The following NEBL variants were observed in gnomAD, a reference collection of about 807,000 sequenced individuals.
NEBL encodes nebulette, also known as LIM and SH3 protein 2.
Under a neutral mutation model 140.2 loss-of-function variants are expected in NEBL, and 122 were observed. That is an observed-to-expected ratio of 0.87 (90% confidence interval 0.75 to 1.01). NEBL has a LOEUF of 1.01. NEBL is among the 50% of genes least tolerant of loss of function. The pLI, the probability that NEBL is intolerant of heterozygous loss-of-function variation, is 0.00. For missense variants in NEBL, 1,365 were observed against 1,231.3 expected (o/e 1.11, Z -1.62); for synonymous variants, 436 against 398.9 (o/e 1.09, Z -1.11).
At chr10:20,841,580 A>G (rs1176228244) in intron 12 of NEBL, 1 of 152,154 alleles carries the variant, frequency 6.6e-6, no homozygotes, top group Non-Finnish European at 1.5e-5. Context: ...AGATAATGAA[A>G]TGTGCATAGA....
intron 2 of NEBL, among the ~76,000 whole-genome samples, chr10:21,120,374 C>CAAAAAAAAAAAAAAAA (rs1157067083): frequency 4.1e-5 from 2 of 48,392 alleles, no homozygotes; most frequent in African/African-American, 1.8e-4. Context: ...GACTGTGTCT[C>CAAAAAAAAAAAAAAAA]AAAAAAAAAA....
At chr10:21,243,848 T>G (rs1842475730) in intron 3 of NEBL, among the ~76,000 whole-genome samples, 1 of 151,086 alleles carries the variant, frequency 6.6e-6, no homozygotes, top group East Asian at 2.0e-4. Context: ...GAAAAGTTTA[T>G]TCCCAGGTCC....
In NEBL at chr10:20,897,109, G is replaced by A. The variant is rs778618994; in HGVS notation, c.81+16C>T. 1.9e-6 allele frequency: 3 copies of A among 1,587,366 alleles called. No homozygotes were observed. Among genetic ancestry groups the A allele is most frequent in the East Asian group, 2.2e-5 (1 of 44,736 alleles). On this transcript the variant is annotated intron_variant, in intron 1 of 27. Transcript: ENST00000377122. ...GAGGAACAAACGCTGGTCTGAGTATGTGTTTTCTCACTCACCTGGTCTTCT... is the reference window on the plus strand; with the variant it reads ...GAGGAACAAACGCTGGTCTGAGTATATGTTTTCTCACTCACCTGGTCTTCT...
chr10:20,941,594 C>G (rs1242797671), intron 4 of NEBL, among the ~76,000 whole-genome samples: 2 of 150,494 alleles, frequency 1.3e-5, no homozygotes, highest in East Asian at 3.9e-4. Flanking sequence ...GGCAATCAGG[C>G]AGGAGAAGGA....
chr10:20,787,220 C>T lies in NEBL; in HGVS notation c.2850G>A (p.Met950Ile), dbSNP rs748439491. 6.2e-7 allele frequency: 1 copy of T among 1,612,300 alleles called. No homozygotes were observed. Reference protein sequence around the residue: ...HQTSVSSMRSMQHSPNLRTYR... With the variant: ...HQTSVSSMRSIQHSPNLRTYR... The stretch of plus-strand genomic sequence containing the variant: ...CACTTACTAGATTTGGTGAATGCTG[C>T]ATTGATCTCATGGATGACACACTGG... Residue 950 changes from methionine (M) to isoleucine (I), a missense_variant, in exon 27 of 28, where the codon ATG (methionine) becomes ATA (isoleucine). Physicochemically the swap from Met to Ile is conservative, Grantham distance 10. Coordinates refer to ENST00000377122, the MANE Select transcript of NEBL (RefSeq NM_006393.3).
At chr10:20,967,834 A>T (rs749808507) in intron 3 of NEBL, among the ~76,000 whole-genome samples, 41 of 152,142 alleles carry the variant, frequency 2.7e-4, no homozygotes, top group Non-Finnish European at 5.9e-4. Context: ...TGTACACATT[A>T]TATATAATCT....
intron 20 of NEBL, 51 bp downstream of exon 20, chr10:20,819,373 T>C (rs755689534): frequency 6.2e-7 from 1 of 1,612,630 alleles, no homozygotes; most frequent in Admixed American, 1.7e-5. Flanking sequence ...TATTTTTAAA[T>C]AAAAATATGT....
At chr10:21,154,179 C>T (rs1453452600) in intron 2 of NEBL, among the ~76,000 whole-genome samples, 1 of 151,916 alleles carries the variant, frequency 6.6e-6, no homozygotes, top group Non-Finnish European at 1.5e-5. Flanking sequence ...GAGCCACTGG[C>T]TGGGCACAGT....
Position 20,809,800 on chromosome 10 carries a change from T to C in NEBL, c.2611+6A>G, listed in dbSNP as rs762305537. 12 of 1,589,694 alleles carry C rather than the reference T, an allele frequency of 7.5e-6. No homozygotes were observed. Among genetic ancestry groups the C allele is most frequent in the East Asian group, 2.2e-5 (1 of 44,698 alleles). On this transcript the variant is annotated splice_donor_region_variant and intron_variant, in intron 25 of 27. Coordinates refer to ENST00000377122, the MANE Select transcript of NEBL (RefSeq NM_006393.3). ...TAAATGGGATGAACTAAAAAGTGAGTAATACCAGAGAGCATATGGAGACTT... is the reference window on the plus strand; with the variant it reads ...TAAATGGGATGAACTAAAAAGTGAGCAATACCAGAGAGCATATGGAGACTT...
At chr10:20,998,843 A>G (rs555106136) in intron 3 of NEBL, among the ~76,000 whole-genome samples, 8 of 152,282 alleles carry the variant, frequency 5.3e-5, no homozygotes, top group African/African-American at 1.9e-4. Context: ...TTGTTTGTCT[A>G]TGGACTAACT....
At chr10:21,246,702 T>C (rs112242980) in intron 3 of NEBL, among the ~76,000 whole-genome samples, 3,373 of 152,100 alleles carry the variant, frequency 0.022, 58 homozygotes, top group South Asian at 0.051. Flanking sequence ...AGCGTGGTGG[T>C]GCATGCCTGT....
At chr10:21,141,128 C>G (rs1032749048) in intron 2 of NEBL, among the ~76,000 whole-genome samples, 1 of 150,010 alleles carries the variant, frequency 6.7e-6, no homozygotes, top group African/African-American at 2.4e-5. Flanking sequence ...AAAGAAATGT[C>G]CCAGATTAAA....
At chr10:20,802,943 T>C (rs1400977592) in intron 26 of NEBL, among the ~76,000 whole-genome samples, 1 of 152,146 alleles carries the variant, frequency 6.6e-6, no homozygotes, top group Non-Finnish European at 1.5e-5. Flanking sequence ...TTATGACAGA[T>C]GCAAAATTTA....
rs367918391 is a variant in NEBL, at chr10:20,989,476, A to G, written c.250-27697T>C. On this transcript the variant is annotated intron_variant, in intron 3 of 6. Transcript: ENST00000417816. ...ATATAGCTTCAACGTAACTCCAACC[A>G]AAATTCCAAAAAATGTTTTTTTAGA... 7.2e-5 allele frequency among the ~76,000 whole-genome samples: 11 copies of G among 152,370 alleles called. No homozygotes were observed. The East Asian group carries it at 2.1e-3, about 29-fold the overall frequency.
intron 26 of NEBL, among the ~76,000 whole-genome samples, chr10:20,790,979 C>T (rs1401786409): frequency 6.6e-6 from 1 of 152,204 alleles, no homozygotes; most frequent in Non-Finnish European, 1.5e-5. Context: ...AACTAGTCAT[C>T]AGATACCATT....
At chr10:21,052,906 C>T (rs1398414667) in intron 2 of NEBL, among the ~76,000 whole-genome samples, 6 of 152,118 alleles carry the variant, frequency 3.9e-5, no homozygotes, top group Non-Finnish European at 8.8e-5. Context: ...AATTCGCTGA[C>T]ATACAATTAA....
At chr10:21,169,345 G>A (rs1840977852) in intron 2 of NEBL, among the ~76,000 whole-genome samples, 1 of 151,514 alleles carries the variant, frequency 6.6e-6, no homozygotes, top group Non-Finnish European at 1.5e-5. Context: ...TGCATTACAT[G>A]GAAAGCAAAT....
At chr10:21,135,984 G>C (rs375947675) in intron 2 of NEBL, among the ~76,000 whole-genome samples, 1 of 152,212 alleles carries the variant, frequency 6.6e-6, no homozygotes, top group African/African-American at 2.4e-5. Context: ...GATTGATTAA[G>C]CACATTTCTC....
intron 3 of NEBL, among the ~76,000 whole-genome samples, chr10:20,967,164 C>T (rs74120576): frequency 0.034 from 5,102 of 150,558 alleles, 287 homozygotes; most frequent in African/African-American, 0.12. Flanking sequence ...TTCTTAATAA[C>T]GTTGTTTCTA....
Sources: allele counts gnomAD v4.1 joint callset (sites outside exome capture counted in the v4.1 genomes callset), GRCh38; gene constraint gnomAD v4.1.1; transcripts MANE v1.5; gene names NCBI Gene and HGNC (gene_info 2026-07-23, HGNC 2026-07-21).